Variants in MAK16 observed in about 807,000 individuals in gnomAD.
The protein encoded by MAK16 is MAK16 homolog.
Under a neutral mutation model 49.9 loss-of-function variants are expected in MAK16, and 12 were observed. The ratio of observed to expected loss-of-function variants is 0.24; its 90% confidence interval spans 0.15 to 0.39. The LOEUF (loss-of-function observed/expected upper bound fraction) is 0.39. Among genes scored for constraint, MAK16 ranks in the 10% least tolerant of loss-of-function variants. MAK16 has a pLI of 1.00. For missense variants in MAK16, 292 were observed against 363.7 expected (o/e 0.80, Z 1.60); for synonymous variants, 115 against 126.4 (o/e 0.91, Z 0.60).
chr8:33,496,144 T>C (rs1396158390), intron 7 of MAK16, among the ~76,000 whole-genome samples: 3 of 152,174 alleles, frequency 2.0e-5, no homozygotes, highest in Admixed American at 6.6e-5. Flanking sequence ...GCCATTATTC[T>C]CAGCTCCATT....
Position 33,500,019 on chromosome 8 carries a change from G to T in MAK16, c.*1390G>T. 1 of 213,662 alleles carries T rather than the reference G, an allele frequency of 4.7e-6. No homozygotes were observed. The highest frequency in any genetic ancestry group is 9.4e-6 in the Non-Finnish European group (1 of 106,834). 13.2% of individuals were successfully genotyped at this position (213,662 alleles called of 1,614,324 possible). A position where few individuals can be genotyped will look rare whatever the true frequency, so the allele number is the denominator to read the frequency against. ...TTTACTTTTTTTTTTTAATTCAGAA[G>T]ACTAGAACAGAACTTAAATTTTACA... is the stretch of plus-strand genomic sequence containing the variant. On this transcript the variant is annotated 3_prime_UTR_variant, in exon 10 of 10. Transcript: ENST00000360128.
chr8:33,489,261 T>A lies in MAK16; in HGVS notation c.392+122T>A. The stretch of plus-strand genomic sequence containing the variant: ...CTTTGTGGAGTCTGTTATGATGTAC[T>A]AAAGAGAAACTTTAGCTTTGACTAA... On this transcript the variant is annotated intron_variant, in intron 5 of 9. Transcript: ENST00000360128. The surrounding 1 kb of genome is among the most constrained non-coding windows in gnomAD (Gnocchi z 4.2). 1 of 837,462 alleles carries A rather than the reference T, an allele frequency of 1.2e-6. No homozygotes were observed. The highest frequency in any genetic ancestry group is 1.8e-6 in the Non-Finnish European group (1 of 545,642). 51.9% of individuals were successfully genotyped at this position (837,462 alleles called of 1,614,324 possible).
chr8:33,489,081 A>C lies in MAK16; in HGVS notation c.334A>C (p.Arg112=). The part of the protein sequence containing the change: ...PRFIRHKCKQ[R]FTKITQYLIR... ...TTTCATTCGACACAAATGTAAGCAGAGATTCACCAAGATCACCCAATACCT... is the reference window on the plus strand; with the variant it reads ...TTTCATTCGACACAAATGTAAGCAGCGATTCACCAAGATCACCCAATACCT... The change falls in exon 5 of 10, where the codon AGA becomes CGA. Residue 112 remains arginine, a synonymous_variant. Coordinates refer to ENST00000360128, the MANE Select transcript of MAK16 (RefSeq NM_032509.4). This position sits in a 1 kb window ranked among gnomAD's most constrained non-coding sequence, Gnocchi z 4.2. 6.2e-7 allele frequency: 1 copy of C among 1,614,040 alleles called. No individual in the cohort carries two copies. The highest frequency in any genetic ancestry group is 8.5e-7 in the Non-Finnish European group (1 of 1,179,856).
At position 33,488,458 on chromosome 8, in the gene MAK16, T is replaced by C. The variant is rs200514983; in HGVS notation, c.65+31T>C. The stretch of plus-strand genomic sequence containing the variant: ...TCTCAATTTACAACTTGGTCAAAGA[T>C]TCCTTCAGTTGCCTCTTTGGCAACC... On this transcript the variant is annotated intron_variant, in intron 2 of 9. Coordinates refer to ENST00000360128, the MANE Select transcript of MAK16 (RefSeq NM_032509.4). 2.5e-6 allele frequency: 4 copies of C among 1,613,970 alleles called. No individual in the cohort carries two copies. In the East Asian group the frequency reaches 8.9e-5, roughly 36 times the overall value.
At chr8:33,485,568 T>C in intron 1 of MAK16, 1 of 398,432 alleles carries the variant, frequency 2.5e-6, no homozygotes, top group East Asian at 4.5e-5. Context: ...TTGGCGAAGC[T>C]GACTCCAAGT....
Position 33,499,990 on chromosome 8 carries a change from T to G in MAK16, c.*1361T>G. ...TTATTCCTGGGAGCTTATAGCCCATTATTTTTACTTTTTTTTTTTAATTCA... is the reference window on the plus strand; with the variant it reads ...TTATTCCTGGGAGCTTATAGCCCATGATTTTTACTTTTTTTTTTTAATTCA... On this transcript the variant is annotated 3_prime_UTR_variant, in exon 10 of 10. Transcript: ENST00000360128. 1 of 179,418 alleles carries G rather than the reference T, an allele frequency of 5.6e-6. No individual in the cohort carries two copies. Among genetic ancestry groups the G allele is most frequent in the Non-Finnish European group, 1.2e-5 (1 of 85,202 alleles). The allele number at this position is 179,418 out of a possible 1,614,324, so 11.1% of individuals were successfully genotyped here.
Position 33,499,269 on chromosome 8 carries a change from C to T in MAK16, c.*640C>T. The T allele has an allele frequency of 6.2e-7, 1 of 1,613,440 alleles. No individual in the cohort carries two copies. Among genetic ancestry groups the T allele is most frequent in the Non-Finnish European group, 8.5e-7 (1 of 1,179,628 alleles). On this transcript the variant is annotated 3_prime_UTR_variant, in exon 10 of 10. Transcript: ENST00000360128. ...CTTCACAGCTTTGGGGAATTTTGGC[C>T]AGGAGACCCTGAAACATGAAACCAA...
chr8:33,491,261 C>G (rs1167645748), intron 6 of MAK16, among the ~76,000 whole-genome samples: 1 of 152,192 alleles, frequency 6.6e-6, no homozygotes, highest in Non-Finnish European at 1.5e-5. Flanking sequence ...GTGGGTATCC[C>G]TTTGATACAC....
Position 33,500,784 on chromosome 8 carries a change from G to T in MAK16, c.*2155G>T. The stretch of plus-strand genomic sequence containing the variant: ...ACAGCTCCTTCATGGGCTGAGAAGG[G>T]GAAACCAGGATCTCCCCAACCAAGG... On this transcript the variant is annotated 3_prime_UTR_variant, in exon 10 of 10. Transcript: ENST00000360128. 6.4e-6 allele frequency: 2 copies of T among 313,778 alleles called. No individual in the cohort carries two copies. The highest frequency in any genetic ancestry group is 1.2e-5 in the Non-Finnish European group (2 of 166,204). 19.4% of individuals were successfully genotyped at this position (313,778 alleles called of 1,614,324 possible).
chr8:33,495,670 T>G (rs1335115508), intron 7 of MAK16, 54 bp downstream of exon 7: 2 of 927,650 alleles, frequency 2.2e-6, no homozygotes, highest in African/African-American at 1.7e-5. Flanking sequence ...AGTATGTTGC[T>G]AAGACATATT....
chr8:33,485,617 A>C, intron 1 of MAK16: 1 of 289,548 alleles, frequency 3.5e-6, no homozygotes, highest in South Asian at 4.6e-5. Context: ...TTACTCTTCC[A>C]TCTGCGTTTC....
chr8:33,497,127 A>G (rs1259134523), intron 8 of MAK16, 105 bp from the exon 9 acceptor site: 1 of 814,426 alleles, frequency 1.2e-6, no homozygotes, highest in African/African-American at 1.7e-5. Flanking sequence ...TTCATTGCCT[A>G]GTGAAAAGAC....
Position 33,500,532 on chromosome 8 carries a change from G to T in MAK16, c.*1903G>T, listed in dbSNP as rs1186544120. Reference sequence around the variant, plus strand: ...AAGCTATGTTCATACTCTAAATCTGGATATTAAAATTGGAAGAGACTTCAA... The same window carrying T: ...AAGCTATGTTCATACTCTAAATCTGTATATTAAAATTGGAAGAGACTTCAA... On this transcript the variant is annotated 3_prime_UTR_variant, in exon 10 of 10. Coordinates refer to ENST00000360128, the MANE Select transcript of MAK16 (RefSeq NM_032509.4). The T allele has an allele frequency of 6.8e-6, 11 of 1,608,770 alleles. 1 individual carries two copies. The East Asian group carries it at 2.2e-4, about 33-fold the overall frequency.
Position 33,495,547 on chromosome 8 carries a change from G to C in MAK16, c.453G>C (p.Lys151Asn). The C allele has an allele frequency of 1.9e-6, 3 of 1,613,342 alleles. No individual in the cohort carries two copies. Among genetic ancestry groups the C allele is most frequent in the South Asian group, 1.1e-5 (1 of 90,910 alleles). Reference protein sequence around the residue: ...VERREKRREEKALIAAQLDNA... With the variant: ...VERREKRREENALIAAQLDNA... ...TTGCTCTTTCCCCCTTATAGGAAAA[G>C]GCATTAATAGCTGCTCAGCTGGACA... is the stretch of plus-strand genomic sequence containing the variant. The change falls in exon 7 of 10, where the codon AAG becomes AAC. Residue 151 changes from lysine to asparagine, a missense_variant. Lys to Asn is a moderately conservative substitution (Grantham distance 94). Coordinates refer to ENST00000360128, the MANE Select transcript of MAK16 (RefSeq NM_032509.4).
At position 33,485,199 on chromosome 8, in the gene MAK16, C is replaced by T; in HGVS notation, c.-8C>T. 6.2e-7 allele frequency: 1 copy of T among 1,614,170 alleles called. No homozygotes were observed. The highest frequency in any genetic ancestry group is 8.5e-7 in the Non-Finnish European group (1 of 1,180,036). On this transcript the variant is annotated 5_prime_UTR_variant, in exon 1 of 10. Coordinates refer to ENST00000360128, the MANE Select transcript of MAK16 (RefSeq NM_032509.4). ...CGACCGGAAGTTGCACGCTGAGCCG[C>T]GGACACCATGCAGTCGGATGATGTG...
In MAK16 at chr8:33,500,319, C is replaced by G; in HGVS notation, c.*1690C>G. On this transcript the variant is annotated 3_prime_UTR_variant, in exon 10 of 10. Transcript: ENST00000360128. ...GGCCCAACTGAAACCAAGTTTCAGTCTGCCTTACCTTTACCCGTCCTTGAG... is the reference window on the plus strand; with the variant it reads ...GGCCCAACTGAAACCAAGTTTCAGTGTGCCTTACCTTTACCCGTCCTTGAG... The G allele has an allele frequency of 1.9e-6, 3 of 1,614,020 alleles. No individual in the cohort carries two copies. The highest frequency in any genetic ancestry group is 2.5e-6 in the Non-Finnish European group (3 of 1,179,970).
intron 6 of MAK16, among the ~76,000 whole-genome samples, chr8:33,493,085 C>A (rs1474407768): frequency 6.6e-6 from 1 of 151,934 alleles, no homozygotes; most frequent in African/African-American, 2.4e-5. Flanking sequence ...TATCTAAAAT[C>A]TGTATCATTG....
chr8:33,495,535 C>G lies in MAK16; in HGVS notation c.448-7C>G. On this transcript the variant is annotated splice_region_variant and splice_polypyrimidine_tract_variant and intron_variant, in intron 6 of 9. Coordinates refer to ENST00000360128, the MANE Select transcript of MAK16 (RefSeq NM_032509.4). Reference sequence around the variant, plus strand: ...AATTAAACAGATTTGCTCTTTCCCCCTTATAGGAAAAGGCATTAATAGCTG... The same window carrying G: ...AATTAAACAGATTTGCTCTTTCCCCGTTATAGGAAAAGGCATTAATAGCTG... 1 of 1,612,018 alleles carries G rather than the reference C, an allele frequency of 6.2e-7. No individual in the cohort carries two copies. The highest frequency in any genetic ancestry group is 8.5e-7 in the Non-Finnish European group (1 of 1,179,012).
chr8:33,498,791 C>T lies in MAK16; in HGVS notation c.*162C>T, dbSNP rs1008384636. Reference sequence around the variant, plus strand: ...ATGCCACGTCAGTGGGGCAAGAAATCTGGAGTGAGTGAAGAAAGCTAAGTT... The same window carrying T: ...ATGCCACGTCAGTGGGGCAAGAAATTTGGAGTGAGTGAAGAAAGCTAAGTT... On this transcript the variant is annotated 3_prime_UTR_variant, in exon 10 of 10. Transcript: ENST00000360128. 3.0e-6 allele frequency: 2 copies of T among 664,248 alleles called. No individual in the cohort carries two copies. The highest frequency in any genetic ancestry group is 3.7e-5 in the African/African-American group (2 of 54,492). 41.1% of individuals were successfully genotyped at this position (664,248 alleles called of 1,614,324 possible).
Sources: allele counts gnomAD v4.1 joint callset (sites outside exome capture counted in the v4.1 genomes callset), GRCh38; gene constraint gnomAD v4.1.1; non-coding constraint Gnocchi (gnomAD v3.1); transcripts MANE v1.5; gene names NCBI Gene and HGNC (gene_info 2026-07-23, HGNC 2026-07-21).